The following ZNF395 variants were observed in gnomAD, a reference collection of about 807,000 sequenced individuals.
ZNF395 encodes zinc finger protein 395.
A neutral mutation model predicts 57.7 loss-of-function variants in ZNF395; 20 were observed. The observed-to-expected ratio is 0.35, with a 90% CI of 0.24 to 0.50. The LOEUF (loss-of-function observed/expected upper bound fraction) is 0.50, where lower values mean the gene tolerates loss of function less well. Ranked by LOEUF, ZNF395 falls within the 20% of genes least tolerant of loss-of-function variation. The pLI, the probability that ZNF395 is intolerant of heterozygous loss-of-function variation, is 0.97. For synonymous variants in ZNF395, 295 were observed against 275.9 expected (o/e 1.07, Z -0.69); for missense variants, 606 against 671.2 (o/e 0.90, Z 1.07).
At chr8:28,361,496 A>G (rs954345193) in intron 1 of ZNF395, among the ~76,000 whole-genome samples, 2 of 152,170 alleles carry the variant, frequency 1.3e-5, no homozygotes, top group Non-Finnish European at 2.9e-5. Flanking sequence ...ATATCATTCA[A>G]TATTATTTTA....
chr8:28,349,057 T>C, intron 9 of ZNF395, 68 bp downstream of exon 9: 2 of 1,458,810 alleles, frequency 1.4e-6, no homozygotes, highest in Non-Finnish European at 1.9e-6. Context: ...CTGGGTGGGG[T>C]CGGAGTCCAC....
Position 28,352,067 on chromosome 8 carries a change from C to G in ZNF395, c.921-260G>C, listed in dbSNP as rs955029006. Reference sequence around the variant, plus strand: ...CAACCTCTCCTCTGGCAGGAGGCATCCCACACTGAGCACGACCACGAGCCC... The same window carrying G: ...CAACCTCTCCTCTGGCAGGAGGCATGCCACACTGAGCACGACCACGAGCCC... On this transcript the variant is annotated intron_variant, in intron 6 of 9. Transcript: ENST00000344423. This position sits in a 1 kb window ranked among gnomAD's most constrained non-coding sequence, Gnocchi z 4.0. 1.3e-5 allele frequency among the ~76,000 whole-genome samples: 2 copies of G among 152,228 alleles called. No homozygotes were observed. Among genetic ancestry groups the G allele is most frequent in the South Asian group, 4.1e-4 (2 of 4,836 alleles).
rs771745916 is a variant in ZNF395, at chr8:28,348,834, CAGAA to C, written c.1431-8_1431-5del. The C allele has an allele frequency of 4.6e-5, 74 of 1,613,712 alleles. No homozygotes were observed. The highest frequency in any genetic ancestry group is 6.1e-5 in the Non-Finnish European group (72 of 1,179,916). On this transcript the variant is annotated splice_polypyrimidine_tract_variant and splice_region_variant and intron_variant, in intron 9 of 9. Transcript: ENST00000344423. ...CTTAGCCTCCCCTCGGGCTTTCCTG[CAGAA>C]AGAGAGGAATGCAAATCGAGCCCCA...
intron 1 of ZNF395, among the ~76,000 whole-genome samples, chr8:28,382,925 A>G (rs888929691): frequency 1.3e-5 from 2 of 152,212 alleles, no homozygotes; most frequent in African/African-American, 4.8e-5. Context: ...AAAGGGAGGT[A>G]GGTACTTTAT....
intron 8 of ZNF395, among the ~76,000 whole-genome samples, chr8:28,349,655 G>T (rs1462286768): frequency 6.6e-6 from 1 of 152,190 alleles, no homozygotes; most frequent in South Asian, 2.1e-4. Flanking sequence ...GTCCACCTAT[G>T]GCCCTTGTCT....
At chr8:28,361,315 G>A in intron 1 of ZNF395, 133 bp from the exon 2 acceptor site, 1 of 763,762 alleles carries the variant, frequency 1.3e-6, no homozygotes, top group Non-Finnish European at 2.0e-6. Flanking sequence ...TCCATTCCTA[G>A]TAGGACAATC....
At chr8:28,358,801 G>T (rs140839470) in intron 3 of ZNF395, among the ~76,000 whole-genome samples, 133 of 152,294 alleles carry the variant, frequency 8.7e-4, no homozygotes, top group African/African-American at 2.6e-3. Context: ...ACTAAAATTT[G>T]AGGGTCCATG....
intron 3 of ZNF395, among the ~76,000 whole-genome samples, chr8:28,357,520 AAGTT>A (rs765075925): frequency 1.1e-4 from 17 of 152,260 alleles, no homozygotes; most frequent in Non-Finnish European, 2.9e-5. Flanking sequence ...GTATTAGTAA[AAGTT>A]AGTCTGAAAT....
At chr8:28,364,962 A>G (rs1439805049) in intron 1 of ZNF395, among the ~76,000 whole-genome samples, 1 of 152,238 alleles carries the variant, frequency 6.6e-6, no homozygotes, top group African/African-American at 2.4e-5. Context: ...GGTTTGGGGA[A>G]GACCTTTATA....
chr8:28,379,841 T>TAAAAAAAAAAAA (rs1802087954), intron 1 of ZNF395, among the ~76,000 whole-genome samples: 1 of 123,102 alleles, frequency 8.1e-6, no homozygotes, highest in African/African-American at 5.9e-5. Flanking sequence ...AATACAAACG[T>TAAAAAAAAAAAA]TAAAAAAAAA....
Position 28,352,953 on chromosome 8 carries a change from C to T in ZNF395, c.819+220G>A, listed in dbSNP as rs558335265. Among the ~76,000 whole-genome samples the T allele has an allele frequency of 1.3e-5, 2 of 152,300 alleles. No individual in the cohort carries two copies. Among genetic ancestry groups the T allele is most frequent in the East Asian group, 3.9e-4 (2 of 5,186 alleles). On this transcript the variant is annotated intron_variant, in intron 5 of 9. Transcript: ENST00000344423. The surrounding 1 kb of genome is among the most constrained non-coding windows in gnomAD (Gnocchi z 4.0). ...CTCTGCAGAAACACAGGAAAGAAGGCAGGGATTGGGGTGGAGGCTAAAACA... is the reference window on the plus strand; with the variant it reads ...CTCTGCAGAAACACAGGAAAGAAGGTAGGGATTGGGGTGGAGGCTAAAACA...
At chr8:28,361,552 AC>A (rs1301415645) in intron 1 of ZNF395, among the ~76,000 whole-genome samples, 1 of 152,214 alleles carries the variant, frequency 6.6e-6, no homozygotes, top group Non-Finnish European at 1.5e-5. Flanking sequence ...AGGTGGATGC[AC>A]CATTCCTATT....
chr8:28,372,386 G>A (rs916397910), intron 1 of ZNF395, among the ~76,000 whole-genome samples: 8 of 152,260 alleles, frequency 5.3e-5, no homozygotes, highest in African/African-American at 1.9e-4. Flanking sequence ...ATCCCGGGCA[G>A]TGAAGAGCCA....
intron 2 of ZNF395, among the ~76,000 whole-genome samples, chr8:28,360,561 C>G (rs551491554): frequency 2.0e-5 from 3 of 152,346 alleles, no homozygotes; most frequent in African/African-American, 7.2e-5. Context: ...CCTTCCTTTG[C>G]TAAAGTTGCA....
intron 1 of ZNF395, among the ~76,000 whole-genome samples, chr8:28,377,119 G>GA (rs1306848260): frequency 1.3e-5 from 2 of 152,124 alleles, no homozygotes; most frequent in Non-Finnish European, 2.9e-5. Flanking sequence ...TCAGGAAGAG[G>GA]AATCTAAAAG....
In ZNF395 at chr8:28,352,650, C is replaced by G; in HGVS notation, c.843G>C (p.Lys281Asn). ...CTTTGCCACAGTTTGGCCACAGGCA[C>G]TTGTACATCACCTTCACAGAGTTCT... ...KRKNSVKVMYKCLWPNCGKVL... is the reference protein window; with the variant it reads ...KRKNSVKVMYNCLWPNCGKVL... The change falls in exon 6 of 10, where the codon AAG becomes AAC. Residue 281 changes from lysine (K) to asparagine (N), a missense_variant. Physicochemically the swap from Lys to Asn is moderately conservative, Grantham distance 94. This residue lies in a region of ZNF395 where 309 missense variants were observed against 374.7 expected (regional missense o/e 0.82). Coordinates refer to ENST00000344423, the MANE Select transcript of ZNF395 (RefSeq NM_018660.3). The surrounding 1 kb of genome is among the most constrained non-coding windows in gnomAD (Gnocchi z 4.0). The G allele has an allele frequency of 6.2e-7, 1 of 1,614,174 alleles. No individual in the cohort carries two copies. Among genetic ancestry groups the G allele is most frequent in the South Asian group, 1.1e-5 (1 of 91,076 alleles).
At chr8:28,357,427 T>C (rs1801794764) in intron 3 of ZNF395, among the ~76,000 whole-genome samples, 1 of 152,238 alleles carries the variant, frequency 6.6e-6, no homozygotes. Context: ...TTCTATAAAA[T>C]GTTACACATA....
intron 1 of ZNF395, among the ~76,000 whole-genome samples, chr8:28,368,893 T>TG (rs998374549): frequency 6.6e-6 from 1 of 152,074 alleles, no homozygotes; most frequent in African/African-American, 2.4e-5. Context: ...TGGGGTGCAG[T>TG]GGCGCCATCT....
chr8:28,348,558 A>T lies in ZNF395; in HGVS notation c.*161T>A, dbSNP rs1333276869. 3 of 641,216 alleles carry T rather than the reference A, an allele frequency of 4.7e-6. No individual in the cohort carries two copies. Among genetic ancestry groups the T allele is most frequent in the African/African-American group, 1.8e-5 (1 of 54,314 alleles). The allele number at this position is 641,216 out of a possible 1,614,324, so 39.7% of individuals were successfully genotyped here. ...TTTTAAAAAATAAAATGTTCGCACAATGGGAGAAAATTGCTTTAAGTGTTA... is the reference window on the plus strand; with the variant it reads ...TTTTAAAAAATAAAATGTTCGCACATTGGGAGAAAATTGCTTTAAGTGTTA... On this transcript the variant is annotated 3_prime_UTR_variant, in exon 10 of 10. Transcript: ENST00000344423.
Sources: gnomAD v4.1 joint callset for allele counts (sites outside exome capture counted in the v4.1 genomes callset) on GRCh38, gnomAD v4.1.1 for gene constraint, gnomAD v4.1.1 regional missense constraint, Gnocchi (gnomAD v3.1) non-coding constraint, MANE v1.5 for transcripts, NCBI Gene and HGNC (gene_info 2026-07-23, HGNC 2026-07-21) for gene names.